KCNMA1: variants seen among roughly 807,000 people sequenced by gnomAD.
KCNMA1 encodes the protein Calcium-activated potassium channel subunit alpha-1.
KCNMA1 carries 29 observed loss-of-function variants against 140.0 expected under a neutral mutation model. The observed-to-expected ratio is 0.21, with a 90% CI of 0.15 to 0.28. The LOEUF is 0.28. Among genes scored for constraint, KCNMA1 ranks in the 10% least tolerant of loss-of-function variants. The probability of loss-of-function intolerance (pLI) is 1.00; values close to 1 mark genes in which losing one functional copy is unlikely to be tolerated. For synonymous variants in KCNMA1, 612 were observed against 611.9 expected, an observed-to-expected ratio of 1.00 and a Z score of 0.00; for missense variants, 880 against 1,602.2, an observed-to-expected ratio of 0.55 and a Z score of 7.70.
chr10:77,173,205 A>G (rs970350283), intron 5 of KCNMA1, among the ~76,000 whole-genome samples: 5 of 152,192 alleles, frequency 3.3e-5, no homozygotes, highest in African/African-American at 1.2e-4. Flanking sequence ...AGAAGAGGGG[A>G]CTGGTGAACA....
chr10:77,490,057 C>T (rs1314058321), intron 1 of KCNMA1, among the ~76,000 whole-genome samples: 2 of 152,144 alleles, frequency 1.3e-5, no homozygotes, highest in African/African-American at 4.8e-5. Context: ...GAGCAGTGTC[C>T]CTGGCCGCTA....
At chr10:77,349,943 G>A (rs992019065) in intron 2 of KCNMA1, among the ~76,000 whole-genome samples, 1 of 152,116 alleles carries the variant, frequency 6.6e-6, no homozygotes, top group Non-Finnish European at 1.5e-5. Context: ...ACCCAGCCTG[G>A]AGTATAGTGG....
chr10:77,134,997 C>CAAAAAAAAAAAAAAAAAAAAAA (rs71028253), intron 5 of KCNMA1, among the ~76,000 whole-genome samples: 4 of 11,770 alleles, frequency 3.4e-4, no homozygotes, highest in East Asian at 1.7e-3. Context: ...GACTCTGTCT[C>CAAAAAAAAAAAAAAAAAAAAAA]AAAAAAAAAA....
intron 9 of KCNMA1, among the ~76,000 whole-genome samples, chr10:77,098,055 C>T (rs2096982557): frequency 6.6e-6 from 1 of 152,184 alleles, no homozygotes; most frequent in Non-Finnish European, 1.5e-5. Context: ...ACAGTCAGAA[C>T]CTCAGCTACC....
chr10:77,128,252 T>C (rs1325394553), intron 5 of KCNMA1, among the ~76,000 whole-genome samples: 1 of 152,246 alleles, frequency 6.6e-6, no homozygotes, highest in East Asian at 1.9e-4. Context: ...GTCATTCTTC[T>C]CAATTTGGCT....
At chr10:77,127,892 TGAACCTGGGAGGTG>T (rs974645905) in intron 5 of KCNMA1, among the ~76,000 whole-genome samples, 1 of 152,104 alleles carries the variant, frequency 6.6e-6, no homozygotes, top group African/African-American at 2.4e-5. Flanking sequence ...GAGAATCACT[TGAACCTGGGAGGTG>T]GAAGTTGCAG....
intron 1 of KCNMA1, among the ~76,000 whole-genome samples, chr10:77,595,608 C>T (rs894945504): frequency 6.6e-5 from 9 of 135,528 alleles, no homozygotes; most frequent in Admixed American, 4.4e-4. Context: ...AATAGATTTA[C>T]ACTCCTGACA....
intron 2 of KCNMA1, among the ~76,000 whole-genome samples, chr10:77,261,887 A>C (rs1014011402): frequency 7.9e-5 from 12 of 152,202 alleles, no homozygotes; most frequent in African/African-American, 2.9e-4. Context: ...TGAGCTTTTT[A>C]AGAAATTGTC....
In KCNMA1 at chr10:77,108,728, C is replaced by T. The variant is rs979205681; in HGVS notation, c.1132-156G>A. On this transcript the variant is annotated intron_variant, in intron 8 of 27. Transcript: ENST00000286628. The surrounding 1 kb of genome is among the most constrained non-coding windows in gnomAD (Gnocchi z 4.6). ...GTTGGATCATAAAAAACTAAAAGCA[C>T]GAAGAGAGCAAGCTCCCAGAAATAC... Among the ~76,000 whole-genome samples the T allele has an allele frequency of 5.3e-5, 8 of 151,972 alleles. No homozygotes were observed. In the East Asian group the frequency reaches 1.2e-3, roughly 22 times the overall value.
chr10:76,872,154 A>T (rs2031476358), exon 28 of KCNMA1: 1 of 152,216 alleles, frequency 6.6e-6, no homozygotes, highest in African/African-American at 2.4e-5. Flanking sequence ...GCAGGTTTTT[A>T]AAAATTTATG....
intron 1 of KCNMA1, among the ~76,000 whole-genome samples, chr10:77,522,340 C>T (rs904266283): frequency 1.3e-5 from 2 of 152,100 alleles, no homozygotes; most frequent in African/African-American, 4.8e-5. Flanking sequence ...TTTCCCCCAG[C>T]TGACACTCTT....
In KCNMA1 at chr10:77,631,466, G is replaced by A. The variant is rs1008038978; in HGVS notation, c.378+5799C>T. Among the ~76,000 whole-genome samples, 7 of 152,194 alleles carry A rather than the reference G, an allele frequency of 4.6e-5. No homozygotes were observed. The East Asian group carries it at 9.6e-4, about 21-fold the overall frequency. On this transcript the variant is annotated intron_variant, in intron 1 of 27. Coordinates refer to ENST00000286628, the MANE Select transcript of KCNMA1 (RefSeq NM_001161352.2). ...GCCCTTTCACTGGAACCACAAAGGC[G>A]ACCTTCCAGGGGATCTGCAGCTTGG...
At chr10:77,015,708 T>C (rs1056311580) in intron 17 of KCNMA1, among the ~76,000 whole-genome samples, 1 of 152,108 alleles carries the variant, frequency 6.6e-6, no homozygotes, top group Non-Finnish European at 1.5e-5. Flanking sequence ...GTATCCCTCA[T>C]CTTGGTTAAG....
rs1015927688 is a variant in KCNMA1, at chr10:77,489,653, T to G, written c.379-85630A>C. Among the ~76,000 whole-genome samples, 49 of 152,232 alleles carry G rather than the reference T, an allele frequency of 3.2e-4. 1 individual carries two copies. Among genetic ancestry groups the G allele is most frequent in the African/African-American group, 1.2e-3 (48 of 41,470 alleles). ...CGCGCCTGGCCTGGACAACCTTATT[T>G]TCATTTGCTGAATCTACCATCCTTA... is the stretch of plus-strand genomic sequence containing the variant. On this transcript the variant is annotated intron_variant, in intron 1 of 27. Transcript: ENST00000286628.
intron 1 of KCNMA1, among the ~76,000 whole-genome samples, chr10:77,438,214 A>G (rs1380487397): frequency 6.6e-6 from 1 of 152,102 alleles, no homozygotes; most frequent in Non-Finnish European, 1.5e-5. Context: ...ATGGGCCGCC[A>G]CACCAGAAGA....
chr10:77,244,451 C>G (rs1301893649), intron 3 of KCNMA1, among the ~76,000 whole-genome samples: 1 of 152,180 alleles, frequency 6.6e-6, no homozygotes, highest in African/African-American at 2.4e-5. Context: ...CCTACGATGC[C>G]TAGGTACCAC....
chr10:77,447,060 G>T (rs2097542612), intron 1 of KCNMA1, among the ~76,000 whole-genome samples: 1 of 152,214 alleles, frequency 6.6e-6, no homozygotes, highest in Non-Finnish European at 1.5e-5. Flanking sequence ...GCTTCAGGGA[G>T]ACGGCTTTGC....
chr10:77,576,275 T>C (rs771034326), intron 1 of KCNMA1, among the ~76,000 whole-genome samples: 21 of 152,168 alleles, frequency 1.4e-4, no homozygotes, highest in Non-Finnish European at 2.4e-4. Context: ...GAGATCTGCC[T>C]CCTTGAAACC....
chr10:77,374,224 C>A (rs1162109671), intron 2 of KCNMA1, among the ~76,000 whole-genome samples: 1 of 152,190 alleles, frequency 6.6e-6, no homozygotes, highest in Non-Finnish European at 1.5e-5. Context: ...GAGCTGCAAA[C>A]AACCATGGCG....
Sources: gnomAD v4.1 joint callset for allele counts (sites outside exome capture counted in the v4.1 genomes callset) on GRCh38, gnomAD v4.1.1 for gene constraint, Gnocchi (gnomAD v3.1) non-coding constraint, MANE v1.5 for transcripts, NCBI Gene and HGNC (gene_info 2026-07-23, HGNC 2026-07-21) for gene names.